Variants in COL12A1 observed in about 807,000 individuals in gnomAD.
COL12A1 encodes collagen type XII alpha 1 chain.
A neutral mutation model predicts 349.7 loss-of-function variants in COL12A1; 114 were observed. The ratio of observed to expected loss-of-function variants is 0.33; its 90% confidence interval spans 0.28 to 0.38. COL12A1 has a LOEUF of 0.38. COL12A1 is among the 10% of genes least tolerant of loss of function. The pLI, the probability that COL12A1 is intolerant of heterozygous loss-of-function variation, is 1.00. For missense variants in COL12A1, 3,284 were observed against 3,756.9 expected (o/e 0.87, Z 3.29); for synonymous variants, 1,369 against 1,329.0 (o/e 1.03, Z -0.66).
At chr6:75,119,587 A>T in intron 44 of COL12A1, 114 bp from the exon 45 acceptor site, 3 of 1,201,908 alleles carry the variant, frequency 2.5e-6, no homozygotes, top group Non-Finnish European at 3.5e-6. Context: ...AGTATCTCAG[A>T]CCTGATAGAA....
At chr6:75,168,155 GT>G (rs1366118639) in intron 13 of COL12A1, among the ~76,000 whole-genome samples, 1 of 152,098 alleles carries the variant, frequency 6.6e-6, no homozygotes, top group African/African-American at 2.4e-5. Flanking sequence ...CTTCATATGG[GT>G]TTCTTACATG....
intron 14 of COL12A1, among the ~76,000 whole-genome samples, chr6:75,165,270 GAAA>G (rs1042411684): frequency 7.4e-6 from 1 of 134,824 alleles, no homozygotes; most frequent in Non-Finnish European, 1.6e-5. Context: ...CATTGCACCA[GAAA>G]AAAAAAAAGA....
chr6:75,111,639 T>C (rs992446719), intron 51 of COL12A1, among the ~76,000 whole-genome samples: 2 of 151,838 alleles, frequency 1.3e-5, no homozygotes, highest in Non-Finnish European at 3.0e-5. Context: ...GCCACAAAAG[T>C]TCATCAGACC....
chr6:75,151,061 C>A, intron 21 of COL12A1, 80 bp downstream of exon 21: 2 of 338,672 alleles, frequency 5.9e-6, no homozygotes, highest in Non-Finnish European at 1.2e-5. Flanking sequence ...AAATAGTGCC[C>A]TCCCCCCCAC....
At chr6:75,132,826 G>C (rs974311221) in intron 34 of COL12A1, among the ~76,000 whole-genome samples, 6 of 152,132 alleles carry the variant, frequency 3.9e-5, no homozygotes, top group African/African-American at 1.4e-4. Flanking sequence ...ACAAAAAACA[G>C]TAAAACCACA....
In COL12A1 at chr6:75,086,511, C is replaced by G; in HGVS notation, c.*36G>C. On this transcript the variant is annotated 3_prime_UTR_variant, in exon 66 of 66. Coordinates refer to ENST00000322507, the MANE Select transcript of COL12A1 (RefSeq NM_004370.6). Reference sequence around the variant, plus strand: ...CTCAGAAACAGGATTTTCATGTATTCAAACTGTAAGCAGCACTGGCGACTT... The same window carrying G: ...CTCAGAAACAGGATTTTCATGTATTGAAACTGTAAGCAGCACTGGCGACTT... The G allele has an allele frequency of 6.3e-7, 1 of 1,599,106 alleles. No individual in the cohort carries two copies.
intron 32 of COL12A1, 69 bp downstream of exon 32, chr6:75,134,657 C>T: frequency 2.2e-6 from 3 of 1,375,154 alleles, no homozygotes; most frequent in Admixed American, 2.2e-5. Context: ...CCAGTGTTTC[C>T]AGATAAAGAG....
chr6:75,087,737 T>G lies in COL12A1; in HGVS notation c.9021A>C (p.Gly3007=). ...RGLPGPPGPQ[G]ESRTGPPGST... ...ACCCTGGTGGACCTGTTCTGGATTCTCCTTGTGGACCTAGTGTGGAGTTAA... is the reference window on the plus strand; with the variant it reads ...ACCCTGGTGGACCTGTTCTGGATTCGCCTTGTGGACCTAGTGTGGAGTTAA... Residue 3007 remains glycine (G), a synonymous_variant, in exon 65 of 66, where the codon GGA becomes GGC. Transcript: ENST00000322507. 1 of 1,605,752 alleles carries G rather than the reference T, an allele frequency of 6.2e-7. No homozygotes were observed. The highest frequency in any genetic ancestry group is 8.5e-7 in the Non-Finnish European group (1 of 1,177,494).
chr6:75,147,582 T>G lies in COL12A1; in HGVS notation c.4417+93A>C, dbSNP rs190254112. 1.7e-4 allele frequency: 204 copies of G among 1,215,810 alleles called. No individual in the cohort carries two copies. The East Asian group carries it at 4.9e-3, about 29-fold the overall frequency. 75.3% of individuals were successfully genotyped at this position (1,215,810 alleles called of 1,614,324 possible). The stretch of plus-strand genomic sequence containing the variant: ...AAATATTTATAGAATGAATGTTAAA[T>G]AAAGAAATTATTTGGAAGGTAGGCA... On this transcript the variant is annotated intron_variant, in intron 23 of 65. Coordinates refer to ENST00000322507, the MANE Select transcript of COL12A1 (RefSeq NM_004370.6).
intron 57 of COL12A1, 45 bp downstream of exon 57, chr6:75,101,954 A>G (rs1562114597): frequency 6.2e-7 from 1 of 1,605,268 alleles, no homozygotes; most frequent in Non-Finnish European, 8.5e-7. Context: ...TAGAAAAGGA[A>G]ATTTTCAAAT....
At chr6:75,118,631 C>A (rs961218209) in intron 46 of COL12A1, among the ~76,000 whole-genome samples, 1 of 152,184 alleles carries the variant, frequency 6.6e-6, no homozygotes, top group African/African-American at 2.4e-5. Context: ...TGCAACATAT[C>A]TTTTAGCACT....
At chr6:75,103,423 C>T (rs1768398182) in intron 55 of COL12A1, among the ~76,000 whole-genome samples, 1 of 152,144 alleles carries the variant, frequency 6.6e-6, no homozygotes, top group Admixed American at 6.5e-5. Context: ...AGTAGTGCTC[C>T]CAACAGGCTC....
intron 58 of COL12A1, among the ~76,000 whole-genome samples, chr6:75,098,745 T>C (rs1768169054): frequency 7.2e-5 from 11 of 151,928 alleles, no homozygotes; most frequent in Admixed American, 7.2e-4. Flanking sequence ...AGTTAATTTT[T>C]GTAGTGCTCT....
At position 75,188,466 on chromosome 6, in the gene COL12A1, T is replaced by C. The variant is rs1208576238; in HGVS notation, c.893A>G (p.Asn298Ser). Residue 298 changes from asparagine to serine, a missense_variant, in exon 8 of 66, where the codon AAT becomes AGT. Physicochemically the swap from Asn to Ser is conservative, Grantham distance 46. Transcript: ENST00000322507. Reference protein sequence around the residue: ...ASTPSLNHVFNVANFDAIVDI... With the variant: ...ASTPSLNHVFSVANFDAIVDI... The stretch of plus-strand genomic sequence containing the variant: ...CACAATTGCATCAAAGTTGGCCACA[T>C]TGAAAACATGGTTCAGTGAAGGTGT... 8 of 1,613,496 alleles carry C rather than the reference T, an allele frequency of 5.0e-6. No homozygotes were observed. The highest frequency in any genetic ancestry group is 2.7e-5 in the African/African-American group (2 of 74,888).
chr6:75,113,280 T>C lies in COL12A1; in HGVS notation c.7874A>G (p.Asp2625Gly). Residue 2625 changes from aspartate (D) to glycine (G), a missense_variant, in exon 51 of 66, where the codon GAT (aspartate) becomes GGT (glycine). Coordinates refer to ENST00000322507, the MANE Select transcript of COL12A1 (RefSeq NM_004370.6). ...SSKTLSFFNKDTRGEVQTVTF... is the reference protein window; with the variant it reads ...SSKTLSFFNKGTRGEVQTVTF... ...AACAGTTTGCACCTCGCCTCTTGTATCCTTGTTAAAGAATGATAACGTCTT... is the reference window on the plus strand; with the variant it reads ...AACAGTTTGCACCTCGCCTCTTGTACCCTTGTTAAAGAATGATAACGTCTT... The C allele has an allele frequency of 6.4e-7, 1 of 1,561,146 alleles. No individual in the cohort carries two copies. Among genetic ancestry groups the C allele is most frequent in the Non-Finnish European group, 8.6e-7 (1 of 1,157,124 alleles).
Position 75,086,901 on chromosome 6 carries a change from A to G in COL12A1, c.9182-344T>C, listed in dbSNP as rs1582024517. ...AGCAAATCATATCAAACAGCAGTAT[A>G]ATTTTTTAAATTTGCAAGATGCTTG... On this transcript the variant is annotated intron_variant, in intron 65 of 65. Transcript: ENST00000322507. Among the ~76,000 whole-genome samples, 5 of 152,228 alleles carry G rather than the reference A, an allele frequency of 3.3e-5. No homozygotes were observed. The South Asian group carries it at 1.0e-3, about 32-fold the overall frequency.
intron 1 of COL12A1, among the ~76,000 whole-genome samples, chr6:75,205,164 C>T (rs1770717774): frequency 6.6e-6 from 1 of 150,886 alleles, no homozygotes; most frequent in African/African-American, 2.4e-5. Flanking sequence ...GACTTTCTCC[C>T]GGAGCTGGGA....
At chr6:75,179,189 T>C (rs1375941773) in intron 11 of COL12A1, among the ~76,000 whole-genome samples, 1 of 152,184 alleles carries the variant, frequency 6.6e-6, no homozygotes, top group Non-Finnish European at 1.5e-5. Context: ...CTAAAGCAAA[T>C]TTAAATCCCA....
At chr6:75,164,695 A>G (rs1271363422) in intron 14 of COL12A1, among the ~76,000 whole-genome samples, 1 of 152,194 alleles carries the variant, frequency 6.6e-6, no homozygotes, top group African/African-American at 2.4e-5. Context: ...TCCTTCACCA[A>G]AGTGGTACAT....
Sources: gnomAD v4.1 joint callset for allele counts (sites outside exome capture counted in the v4.1 genomes callset) on GRCh38, gnomAD v4.1.1 for gene constraint, MANE v1.5 for transcripts, NCBI Gene and HGNC (gene_info 2026-07-23, HGNC 2026-07-21) for gene names.